OPCML: variants seen among roughly 807,000 people sequenced by gnomAD.
OPCML encodes opioid binding protein/cell adhesion molecule like.
Under a neutral mutation model 37.8 loss-of-function variants are expected in OPCML, and 13 were observed. The ratio of observed to expected loss-of-function variants is 0.34; its 90% confidence interval spans 0.22 to 0.55. The LOEUF is 0.55. Among genes scored for constraint, OPCML ranks in the 20% least tolerant of loss-of-function variants. OPCML has a pLI of 0.91. For synonymous variants in OPCML, 176 were observed against 168.8 expected (o/e 1.04, Z -0.33); for missense variants, 341 against 435.6 (o/e 0.78, Z 1.93).
At chr11:132,543,184 G>T (rs1029062196) in intron 3 of OPCML, among the ~76,000 whole-genome samples, 1 of 152,148 alleles carries the variant, frequency 6.6e-6, no homozygotes, top group Non-Finnish European at 1.5e-5. Context: ...GTGAATAAAT[G>T]ATATGATAAA....
At chr11:132,642,819 G>C (rs1021487625) in intron 3 of OPCML, among the ~76,000 whole-genome samples, 7 of 152,194 alleles carry the variant, frequency 4.6e-5, no homozygotes, top group African/African-American at 1.7e-4. Context: ...GTCAAACCAG[G>C]AGTGAAATTT....
At chr11:133,431,034 G>T (rs1173605300) in intron 1 of OPCML, among the ~76,000 whole-genome samples, 1 of 152,016 alleles carries the variant, frequency 6.6e-6, no homozygotes, top group African/African-American at 2.4e-5. Flanking sequence ...TATAAACACA[G>T]AGGCAAAAAA....
At chr11:133,432,906 A>ATTTCTTTTGCTTTG (rs2136920216) in intron 1 of OPCML, among the ~76,000 whole-genome samples, 1 of 152,266 alleles carries the variant, frequency 6.6e-6, no homozygotes, top group South Asian at 2.1e-4. Context: ...AATGTTGGGA[A>ATTTCTTTTGCTTTG]TTTCTTTTGC....
In OPCML at chr11:133,433,251, CAAAAAAA is replaced by C. The variant is rs71477795; in HGVS notation, c.61+99006_61+99012del. On this transcript the variant is annotated intron_variant, in intron 1 of 7. Transcript: ENST00000524381. ...TGGGCGACAGAGCGAGACTCCGTCT[CAAAAAAA>C]AAAAAAAAAAAATATTACTGATGGA... is the stretch of plus-strand genomic sequence containing the variant. 1.4e-3 allele frequency among the ~76,000 whole-genome samples: 123 copies of C among 90,734 alleles called. No homozygotes were observed. In the Middle Eastern group the frequency reaches 0.03, roughly 22 times the overall value. 59.5% of individuals were successfully genotyped at this position (90,734 alleles called of 152,430 possible). A position where few individuals can be genotyped will look rare whatever the true frequency, so the allele number is the denominator to read the frequency against.
In OPCML at chr11:133,494,727, G is replaced by A. The variant is rs560561043; in HGVS notation, c.61+37537C>T. Among the ~76,000 whole-genome samples, 12 of 122,210 alleles carry A rather than the reference G, an allele frequency of 9.8e-5. 2 individuals are homozygous for A. The highest frequency in any genetic ancestry group is 1.6e-4 in the Admixed American group (2 of 12,652). 80.2% of individuals were successfully genotyped at this position (122,210 alleles called of 152,430 possible). Reference sequence around the variant, plus strand: ...CACACTCTGGGGACTGTTGTGGGGCGGGGGGACGGGGGAGGGATAGCATTG... The same window carrying A: ...CACACTCTGGGGACTGTTGTGGGGCAGGGGGACGGGGGAGGGATAGCATTG... On this transcript the variant is annotated intron_variant, in intron 1 of 7. Transcript: ENST00000524381.
rs374685477 is a variant in OPCML at position 133,439,616 on chromosome 11, C to T, written c.61+92648G>A. 6.6e-5 allele frequency among the ~76,000 whole-genome samples: 10 copies of T among 152,048 alleles called. No homozygotes were observed. In the East Asian group the frequency reaches 7.8e-4, roughly 12 times the overall value. On this transcript the variant is annotated intron_variant, in intron 1 of 7. Transcript: ENST00000524381. Reference sequence around the variant, plus strand: ...CCGAGTGGCTGGGACTACAGGTGCCCGCCACCATGCCCGGCTAATTTTTTG... The same window carrying T: ...CCGAGTGGCTGGGACTACAGGTGCCTGCCACCATGCCCGGCTAATTTTTTG...
At chr11:133,103,388 T>C (rs1949113721) in intron 1 of OPCML, among the ~76,000 whole-genome samples, 1 of 152,178 alleles carries the variant, frequency 6.6e-6, no homozygotes, top group Non-Finnish European at 1.5e-5. Context: ...TCTAAAAAAG[T>C]GCCCCCTCTA....
At chr11:132,937,508 G>A (rs991374639) in intron 2 of OPCML, among the ~76,000 whole-genome samples, 1 of 151,608 alleles carries the variant, frequency 6.6e-6, no homozygotes, top group Non-Finnish European at 1.5e-5. Context: ...GTGTGTGTAT[G>A]TGTGTCTGTG....
Position 133,044,472 on chromosome 11 carries a change from G to A in OPCML, c.62-101462C>T, listed in dbSNP as rs138722686. Reference sequence around the variant, plus strand: ...GGGGAAATCGGCTAGCCCAGTTTAAGGGACTGAGTCACACCAGTCTTTAAA... The same window carrying A: ...GGGGAAATCGGCTAGCCCAGTTTAAAGGACTGAGTCACACCAGTCTTTAAA... On this transcript the variant is annotated intron_variant, in intron 1 of 7. Coordinates refer to ENST00000524381, the MANE Select transcript of OPCML (RefSeq NM_001012393.5). Among the ~76,000 whole-genome samples the A allele has an allele frequency of 1.3e-3, 196 of 152,246 alleles. 1 individual carries two copies. The highest frequency in any genetic ancestry group is 4.6e-3 in the African/African-American group (190 of 41,542).
rs190607603 is a variant in OPCML at position 133,085,304 on chromosome 11, T to G, written c.62-142294A>C. On this transcript the variant is annotated intron_variant, in intron 1 of 7. Coordinates refer to ENST00000524381, the MANE Select transcript of OPCML (RefSeq NM_001012393.5). Reference sequence around the variant, plus strand: ...TTCAAACGCTTCTCTTTCATGAAGTTTCCCCTCATTACCTTCCATACACAA... The same window carrying G: ...TTCAAACGCTTCTCTTTCATGAAGTGTCCCCTCATTACCTTCCATACACAA... Among the ~76,000 whole-genome samples the G allele has an allele frequency of 4.7e-3, 717 of 152,326 alleles. 6 individuals carry two copies. Among genetic ancestry groups the G allele is most frequent in the Non-Finnish European group, 8.3e-3 (563 of 68,022 alleles).
intron 4 of OPCML, among the ~76,000 whole-genome samples, chr11:132,452,422 C>T (rs1392262025): frequency 6.6e-6 from 1 of 152,114 alleles, no homozygotes; most frequent in Non-Finnish European, 1.5e-5. Flanking sequence ...AGCGACAGCA[C>T]CTCACACTGG....
At chr11:132,975,510 G>T (rs1435392783) in intron 1 of OPCML, among the ~76,000 whole-genome samples, 14 of 93,060 alleles carry the variant, frequency 1.5e-4, no homozygotes, top group African/African-American at 5.5e-4. Flanking sequence ...CAGCCTGGAT[G>T]TCCCATCCAG....
rs549261757 is a variant in OPCML, at chr11:132,598,811, T to G, written c.379+58276A>C. ...TCAATATTTGTGAGCATCTTCTAGTTTATGTTTTTTTTAAAAAAATTTCTC... is the reference window on the plus strand; with the variant it reads ...TCAATATTTGTGAGCATCTTCTAGTGTATGTTTTTTTTAAAAAAATTTCTC... On this transcript the variant is annotated intron_variant, in intron 3 of 7. Coordinates refer to ENST00000524381, the MANE Select transcript of OPCML (RefSeq NM_001012393.5). 7.6e-4 allele frequency among the ~76,000 whole-genome samples: 116 copies of G among 152,300 alleles called. 1 individual carries two copies. The highest frequency in any genetic ancestry group is 2.6e-3 in the African/African-American group (108 of 41,566).
intron 2 of OPCML, among the ~76,000 whole-genome samples, chr11:132,929,663 T>C (rs549152831): frequency 6.6e-6 from 1 of 152,264 alleles, no homozygotes; most frequent in East Asian, 1.9e-4. Context: ...GCAAAAATCT[T>C]TCACAAAATG....
intron 1 of OPCML, among the ~76,000 whole-genome samples, chr11:133,201,305 C>T (rs975749043): frequency 2.0e-5 from 3 of 147,762 alleles, no homozygotes; most frequent in Admixed American, 6.7e-5. Context: ...ACAATGCATG[C>T]TTTTTTTTTT....
chr11:132,937,005 A>G (rs956062226), intron 2 of OPCML, among the ~76,000 whole-genome samples: 5 of 152,222 alleles, frequency 3.3e-5, no homozygotes, highest in Admixed American at 6.5e-5. Context: ...CTTATTAGGC[A>G]ATGCAAATTT....
chr11:132,856,083 T>C (rs1942043409), intron 2 of OPCML, among the ~76,000 whole-genome samples: 1 of 152,188 alleles, frequency 6.6e-6, no homozygotes, highest in African/African-American at 2.4e-5. Context: ...GCCAATACAA[T>C]AGACCTAACA....
intron 1 of OPCML, chr11:133,008,556 C>T: frequency 3.8e-6 from 2 of 519,822 alleles, no homozygotes; most frequent in South Asian, 8.3e-5. Flanking sequence ...TCTCTGGGAA[C>T]TGCCCTCAGT....
chr11:133,239,840 C>A (rs1940658213), intron 1 of OPCML, among the ~76,000 whole-genome samples: 2 of 152,174 alleles, frequency 1.3e-5, no homozygotes, highest in Non-Finnish European at 2.9e-5. Context: ...ATGACAAGCA[C>A]TCCACCACCA....
Sources: allele counts gnomAD v4.1 joint callset (sites outside exome capture counted in the v4.1 genomes callset), GRCh38; gene constraint gnomAD v4.1.1; transcripts MANE v1.5; gene names NCBI Gene and HGNC (gene_info 2026-07-23, HGNC 2026-07-21).